Variants in PNOC observed in about 807,000 individuals in gnomAD.
PNOC encodes prepronociceptin.
A neutral mutation model predicts 15.6 loss-of-function variants in PNOC; 10 were observed. That is an observed-to-expected ratio of 0.64 (90% CI 0.40 to 1.09). PNOC has a LOEUF of 1.09. Among genes scored for constraint, PNOC ranks in the 50% least tolerant of loss-of-function variants. PNOC has a pLI of 0.01. For synonymous variants in PNOC, 98 were observed against 88.5 expected (o/e 1.11, Z -0.60); for missense variants, 220 against 223.9 (o/e 0.98, Z 0.11).
At chr8:28,317,505 G>T (rs896179670) in intron 1 of PNOC, among the ~76,000 whole-genome samples, 189 bp downstream of exon 1, 1 of 151,884 alleles carries the variant, frequency 6.6e-6, no homozygotes, top group East Asian at 1.9e-4. Flanking sequence ...GGTGGGGAAC[G>T]GGGGAGGGCT....
At chr8:28,321,825 C>T (rs2129846010) in intron 1 of PNOC, among the ~76,000 whole-genome samples, 1 of 152,280 alleles carries the variant, frequency 6.6e-6, no homozygotes, top group Non-Finnish European at 1.5e-5. Flanking sequence ...TCCTCCACCT[C>T]CTCTATGCCG....
chr8:28,321,203 TA>T (rs1801146594), intron 1 of PNOC, among the ~76,000 whole-genome samples: 1 of 115,276 alleles, frequency 8.7e-6, no homozygotes, highest in South Asian at 3.0e-4. Flanking sequence ...CACACCTAGC[TA>T]AATTTTTTTT....
Position 28,320,092 on chromosome 8 carries a change from CT to C in PNOC, c.-24+2805del, listed in dbSNP as rs34876964. 5.0e-3 allele frequency among the ~76,000 whole-genome samples: 150 copies of C among 29,728 alleles called. 2 individuals are homozygous for C. Among genetic ancestry groups the C allele is most frequent in the East Asian group, 0.013 (11 of 854 alleles). 19.5% of individuals were successfully genotyped at this position (29,728 alleles called of 152,430 possible). A position where few individuals can be genotyped will look rare whatever the true frequency, so the allele number is the denominator to read the frequency against. ...TGTTTGTTTCTTTCTTTCTTTCTTT[CT>C]TTTTTTTTTTTTTTTTTTTTTTTTT... On this transcript the variant is annotated intron_variant, in intron 1 of 3. Coordinates refer to ENST00000301908, the MANE Select transcript of PNOC (RefSeq NM_006228.5).
chr8:28,339,231 G>A lies in PNOC; in HGVS notation c.318G>A (p.Gln106=). 1 of 1,611,434 alleles carries A rather than the reference G, an allele frequency of 6.2e-7. No individual in the cohort carries two copies. Among genetic ancestry groups the A allele is most frequent in the South Asian group, 1.1e-5 (1 of 91,026 alleles). ...RRMPRVRSLF[Q]EQEEPEPGME... is the part of the protein sequence containing the mutation. ...TGCCCCGAGTCCGGAGCTTGTTCCA[G>A]GAGCAGGAAGAGCCCGAGCCTGGCA... The change falls in exon 3 of 4, where the codon CAG becomes CAA. Residue 106 remains glutamine, a synonymous_variant. Coordinates refer to ENST00000301908, the MANE Select transcript of PNOC (RefSeq NM_006228.5).
At chr8:28,319,205 G>T (rs1240138397) in intron 1 of PNOC, among the ~76,000 whole-genome samples, 2 of 152,042 alleles carry the variant, frequency 1.3e-5, no homozygotes, top group Non-Finnish European at 2.9e-5. Flanking sequence ...TACATGGCAG[G>T]GTCAGGACTG....
At chr8:28,332,981 C>T (rs1027488315) in intron 2 of PNOC, among the ~76,000 whole-genome samples, 6 of 152,180 alleles carry the variant, frequency 3.9e-5, no homozygotes, top group Non-Finnish European at 4.4e-5. Context: ...TAAAATTCTA[C>T]TGCAAAACGA....
At chr8:28,330,310 G>A (rs1452986964) in intron 2 of PNOC, among the ~76,000 whole-genome samples, 7 of 151,640 alleles carry the variant, frequency 4.6e-5, no homozygotes, top group Admixed American at 1.3e-4. Flanking sequence ...CCAATCCCCT[G>A]TGGATACAGA....
At chr8:28,340,885 C>A (rs989700553) in intron 3 of PNOC, among the ~76,000 whole-genome samples, 1 of 152,186 alleles carries the variant, frequency 6.6e-6, no homozygotes, top group Non-Finnish European at 1.5e-5. Context: ...AGGATCCACC[C>A]CCATGACCCA....
chr8:28,332,412 T>A (rs796221442), intron 2 of PNOC, among the ~76,000 whole-genome samples: 1 of 152,176 alleles, frequency 6.6e-6, no homozygotes, highest in Non-Finnish European at 1.5e-5. Context: ...CTTGGCTTCA[T>A]CAAGAAACTT....
At chr8:28,328,608 C>G (rs1294961234) in intron 1 of PNOC, among the ~76,000 whole-genome samples, 1 of 152,126 alleles carries the variant, frequency 6.6e-6, no homozygotes, top group Non-Finnish European at 1.5e-5. Flanking sequence ...TCATATTTTA[C>G]TCATCTTACT....
intron 1 of PNOC, among the ~76,000 whole-genome samples, chr8:28,324,421 T>G (rs781480037): frequency 4.2e-4 from 64 of 152,204 alleles, no homozygotes; most frequent in Non-Finnish European, 1.5e-4. Flanking sequence ...AACCTCATAT[T>G]AGGAAGGAAA....
chr8:28,326,597 T>C (rs1801229308), intron 1 of PNOC, among the ~76,000 whole-genome samples: 1 of 141,388 alleles, frequency 7.1e-6, no homozygotes, highest in Non-Finnish European at 1.6e-5. Flanking sequence ...CCTGGTAGCA[T>C]ATGCCTGTAA....
At chr8:28,320,075 T>C (rs1425749319) in intron 1 of PNOC, among the ~76,000 whole-genome samples, 1 of 122,248 alleles carries the variant, frequency 8.2e-6, no homozygotes, top group Admixed American at 8.2e-5. Flanking sequence ...TTTGTTTGTT[T>C]CTTTCTTTCT....
chr8:28,339,198 G>C lies in PNOC; in HGVS notation c.285G>C (p.Leu95=), dbSNP rs779916735. The change falls in exon 3 of 4, where the codon CTG becomes CTC. Residue 95 remains leucine, a synonymous_variant. Transcript: ENST00000301908. ...CGAGAGCTTCGGAGATGCAGCATCT[G>C]CGGCGAATGCCCCGAGTCCGGAGCT... ...YQPRASEMQH[L]RRMPRVRSLF... 4 of 1,613,248 alleles carry C rather than the reference G, an allele frequency of 2.5e-6. No individual in the cohort carries two copies. The highest frequency in any genetic ancestry group is 3.4e-6 in the Non-Finnish European group (4 of 1,179,322).
intron 2 of PNOC, among the ~76,000 whole-genome samples, chr8:28,334,512 T>C (rs1219233287): frequency 6.6e-6 from 1 of 152,140 alleles, no homozygotes; most frequent in Non-Finnish European, 1.5e-5. Flanking sequence ...TTTTTTTTTC[T>C]TTGAGACAGT....
At chr8:28,332,134 G>A (rs920565654) in intron 2 of PNOC, among the ~76,000 whole-genome samples, 5 of 152,176 alleles carry the variant, frequency 3.3e-5, no homozygotes, top group African/African-American at 9.7e-5. Context: ...TCACAATGGG[G>A]GACTAACACC....
intron 3 of PNOC, among the ~76,000 whole-genome samples, chr8:28,340,943 C>T (rs563842746): frequency 9.8e-5 from 15 of 152,354 alleles, no homozygotes; most frequent in Admixed American, 9.8e-4. Context: ...CACATCTCAA[C>T]ATGAAATTGG....
At chr8:28,340,843 T>C (rs1360704668) in intron 3 of PNOC, among the ~76,000 whole-genome samples, 1 of 152,090 alleles carries the variant, frequency 6.6e-6, no homozygotes, top group East Asian at 1.9e-4. Context: ...CACGAACTCA[T>C]TACCATAGGG....
intron 2 of PNOC, among the ~76,000 whole-genome samples, chr8:28,336,658 T>C (rs919769858): frequency 2.6e-5 from 4 of 152,128 alleles, no homozygotes; most frequent in Non-Finnish European, 4.4e-5. Flanking sequence ...TTTATGGATA[T>C]GATAAACAAT....
Sources: allele counts gnomAD v4.1 joint callset (sites outside exome capture counted in the v4.1 genomes callset), GRCh38; gene constraint gnomAD v4.1.1; transcripts MANE v1.5; gene names NCBI Gene and HGNC (gene_info 2026-07-23, HGNC 2026-07-21).